SP9: variants seen among roughly 807,000 people sequenced by gnomAD.
SP9 encodes the protein Sp9 transcription factor.
A neutral mutation model predicts 23.0 loss-of-function variants in SP9; 5 were observed. That is an observed-to-expected ratio of 0.22 (90% CI 0.11 to 0.46). The LOEUF (loss-of-function observed/expected upper bound fraction) is 0.46. Ranked by LOEUF, SP9 falls within the 20% of genes least tolerant of loss-of-function variation. The pLI is 0.99. For missense variants in SP9, 542 were observed against 724.0 expected (o/e 0.75, Z 2.88); for synonymous variants, 360 against 356.5 (o/e 1.01, Z -0.11).
Position 174,337,614 on chromosome 2 carries a change from G to A in SP9, c.*74G>A. The A allele has an allele frequency of 9.3e-7, 1 of 1,075,298 alleles. No individual in the cohort carries two copies. The highest frequency in any genetic ancestry group is 1.1e-6 in the Non-Finnish European group (1 of 887,394). The allele number at this position is 1,075,298 out of a possible 1,614,324, so 66.6% of individuals were successfully genotyped here. A position where few individuals can be genotyped will look rare whatever the true frequency, so the allele number is the denominator to read the frequency against. On this transcript the variant is annotated 3_prime_UTR_variant, in exon 2 of 2. Transcript: ENST00000394967. The stretch of plus-strand genomic sequence containing the variant: ...CGAACGAGAGGTTCGGAGGGCGAGC[G>A]AGCGGGAGGCGGGAGGGCAGGGGCT...
In SP9 at chr2:174,337,045, C is replaced by T. The variant is rs753706122; in HGVS notation, c.960C>T (p.Gly320=). The change falls in exon 2 of 2, where the codon GGC becomes GGT. Residue 320 remains glycine (G), a synonymous_variant. Transcript: ENST00000394967. ...CPNCQEAERL[G]PAGASLRRKG... is the part of the protein sequence containing the mutation. The stretch of plus-strand genomic sequence containing the variant: ...ACTGCCAGGAGGCGGAGCGGCTGGG[C>T]CCGGCCGGGGCGAGCCTGCGGCGCA... 1 of 1,535,594 alleles carries T rather than the reference C, an allele frequency of 6.5e-7. No individual in the cohort carries two copies. The highest frequency in any genetic ancestry group is 2.0e-5 in the Admixed American group (1 of 50,080).
rs912159267 is a variant in SP9 at position 174,336,959 on chromosome 2, G to C, written c.874G>C (p.Gly292Arg). The C allele has an allele frequency of 1.4e-6, 2 of 1,437,398 alleles. No homozygotes were observed. The highest frequency in any genetic ancestry group is 5.9e-5 in the East Asian group (2 of 33,712). The allele number at this position is 1,437,398 out of a possible 1,614,324, so 89.0% of individuals were successfully genotyped here. A position where few individuals can be genotyped will look rare whatever the true frequency, so the allele number is the denominator to read the frequency against. ...ATCGGGCGCCGCGGCTGCCGCCGCC[G>C]GGGGGAGCTCGGCACGCTCTGCCCG... ...MISGAAAAAA[G>R]GSSARSARRY... Residue 292 changes from glycine (G) to arginine (R), a missense_variant, in exon 2 of 2, where the codon GGG (glycine) becomes CGG (arginine). Coordinates refer to ENST00000394967, the MANE Select transcript of SP9 (RefSeq NM_001145250.2).
rs1377676691 is a variant in SP9, at chr2:174,337,277, A to G, written c.1192A>G (p.Asn398Asp). The G allele has an allele frequency of 3.8e-6, 6 of 1,560,848 alleles. No homozygotes were observed. The highest frequency in any genetic ancestry group is 2.4e-5 in the East Asian group (1 of 41,484). ...GAAGCGCTTCGCCTGTCCGGTGTGC[A>G]ACAAGCGCTTCATGCGCAGCGACCA... ...GEKRFACPVC[N>D]KRFMRSDHLS... The change falls in exon 2 of 2, where the codon AAC (asparagine) becomes GAC (aspartate). Residue 398 changes from asparagine to aspartate, a missense_variant. By Grantham distance (23) the Asn-to-Asp change is conservative. Transcript: ENST00000394967.
Position 174,336,114 on chromosome 2 carries a change from C to G in SP9, c.29C>G (p.Pro10Arg). The change falls in exon 2 of 2, where the codon CCG (proline) becomes CGG (arginine). Residue 10 changes from proline to arginine, a missense_variant. Transcript: ENST00000394967. Reference sequence around the variant, plus strand: ...CCATCCCACCCACTCTAGGAAGAGCCGCGCTTCGGAACGACCCCGTTGGCC... The same window carrying G: ...CCATCCCACCCACTCTAGGAAGAGCGGCGCTTCGGAACGACCCCGTTGGCC... Reference protein sequence around the residue: MATSILGEEPRFGTTPLAML... With the variant: MATSILGEERRFGTTPLAML... The G allele has an allele frequency of 6.5e-7, 1 of 1,550,276 alleles. No homozygotes were observed. Among genetic ancestry groups the G allele is most frequent in the Non-Finnish European group, 8.7e-7 (1 of 1,146,246 alleles).
At position 174,338,049 on chromosome 2, in the gene SP9, A is replaced by T. The variant is rs1345162699; in HGVS notation, c.*509A>T. 6.6e-6 allele frequency: 1 copy of T among 152,162 alleles called. No homozygotes were observed. Among genetic ancestry groups the T allele is most frequent in the Non-Finnish European group, 1.5e-5 (1 of 68,040 alleles). The allele number at this position is 152,162 out of a possible 1,614,324, so 9.4% of individuals were successfully genotyped here. A position where few individuals can be genotyped will look rare whatever the true frequency, so the allele number is the denominator to read the frequency against. Reference sequence around the variant, plus strand: ...ATTTGAAAACAAACGGGACCGATAAAAACACCCTTTGTTTGGATTATATTA... The same window carrying T: ...ATTTGAAAACAAACGGGACCGATAATAACACCCTTTGTTTGGATTATATTA... On this transcript the variant is annotated 3_prime_UTR_variant, in exon 2 of 2. Transcript: ENST00000394967.
Position 174,337,054 on chromosome 2 carries a change from G to A in SP9, c.969G>A (p.Gly323=), listed in dbSNP as rs1453775498. Reference sequence around the variant, plus strand: ...AGGCGGAGCGGCTGGGCCCGGCCGGGGCGAGCCTGCGGCGCAAGGGCCTGC... The same window carrying A: ...AGGCGGAGCGGCTGGGCCCGGCCGGAGCGAGCCTGCGGCGCAAGGGCCTGC... ...CQEAERLGPA[G]ASLRRKGLHS... is the part of the protein sequence containing the mutation. The change falls in exon 2 of 2, where the codon GGG becomes GGA. Residue 323 remains glycine, a synonymous_variant. Coordinates refer to ENST00000394967, the MANE Select transcript of SP9 (RefSeq NM_001145250.2). 10 of 1,541,826 alleles carry A rather than the reference G, an allele frequency of 6.5e-6. No homozygotes were observed. Among genetic ancestry groups the A allele is most frequent in the Non-Finnish European group, 5.2e-6 (6 of 1,150,182 alleles).
rs1684438931 is a variant in SP9, at chr2:174,337,492, G to C, written c.1407G>C (p.Ala469=). Residue 469 remains alanine (A), a synonymous_variant, in exon 2 of 2, where the codon GCG becomes GCC. Transcript: ENST00000394967. ...AAAAAAAAAA[A]ASAGGKEAAS... is the part of the protein sequence containing the mutation. ...CGGCAGCGGCGGCGGCGGCGGCGGC[G>C]GCCTCCGCGGGAGGCAAGGAAGCAG... The C allele has an allele frequency of 8.4e-7, 1 of 1,192,922 alleles. No homozygotes were observed. Among genetic ancestry groups the C allele is most frequent in the Non-Finnish European group, 1.0e-6 (1 of 959,004 alleles). The allele number at this position is 1,192,922 out of a possible 1,614,324, so 73.9% of individuals were successfully genotyped here.
Position 174,337,270 on chromosome 2 carries a change from G to C in SP9, c.1185G>C (p.Pro395=), listed in dbSNP as rs753741766. ...THTGEKRFAC[P]VCNKRFMRSD... is the part of the protein sequence containing the mutation. ...CGGGCGAGAAGCGCTTCGCCTGTCC[G>C]GTGTGCAACAAGCGCTTCATGCGCA... is the stretch of plus-strand genomic sequence containing the variant. The change falls in exon 2 of 2, where the codon CCG becomes CCC. Residue 395 remains proline, a synonymous_variant. Coordinates refer to ENST00000394967, the MANE Select transcript of SP9 (RefSeq NM_001145250.2). 1.0e-4 allele frequency: 158 copies of C among 1,563,046 alleles called. No homozygotes were observed. Among genetic ancestry groups the C allele is most frequent in the Non-Finnish European group, 1.3e-4 (150 of 1,153,974 alleles).
In SP9 at chr2:174,337,694, C is replaced by A. The variant is rs1345197508; in HGVS notation, c.*154C>A. On this transcript the variant is annotated 3_prime_UTR_variant, in exon 2 of 2. Transcript: ENST00000394967. The stretch of plus-strand genomic sequence containing the variant: ...CGCGAGGTGGAGCCGCTCAGGGCTC[C>A]CGGGCTGCGGTTCGCCCGCTGTGCG... The A allele has an allele frequency of 4.1e-6, 4 of 968,304 alleles. No homozygotes were observed. In the African/African-American group the frequency reaches 7.1e-5, roughly 17 times the overall value. 60.0% of individuals were successfully genotyped at this position (968,304 alleles called of 1,614,324 possible).
In SP9 at chr2:174,337,446, GGGCGGCGGCAGCGGCGGCGGCGGCAGC is replaced by G. The variant is rs1269584019; in HGVS notation, c.1371_1397del (p.Ala462_Ala470del). On this transcript the variant is annotated inframe_deletion, in exon 2 of 2. Transcript: ENST00000394967. ...CATGACTCCGGCGTCAGTGCCGCCC[GGGCGGCGGCAGCGGCGGCGGCGGCAGC>G]GGCGGCGGCGGCGGCGGCGGCCTCC... 5.6e-5 allele frequency: 74 copies of G among 1,314,346 alleles called. 14 individuals carry two copies. The highest frequency in any genetic ancestry group is 4.2e-4 in the Middle Eastern group (2 of 4,762). 81.4% of individuals were successfully genotyped at this position (1,314,346 alleles called of 1,614,324 possible). A position where few individuals can be genotyped will look rare whatever the true frequency, so the allele number is the denominator to read the frequency against.
rs1305733429 is a variant in SP9 at position 174,336,946 on chromosome 2, G to A, written c.861G>A (p.Ala287=). ...CCAGCGCCATGATATCGGGCGCCGCGGCTGCCGCCGCCGGGGGGAGCTCGG... is the reference window on the plus strand; with the variant it reads ...CCAGCGCCATGATATCGGGCGCCGCAGCTGCCGCCGCCGGGGGGAGCTCGG... ...AAASAMISGA[A]AAAAGGSSAR... The change falls in exon 2 of 2, where the codon GCG becomes GCA. Residue 287 remains alanine (A), a synonymous_variant. Transcript: ENST00000394967. 11 of 1,447,650 alleles carry A rather than the reference G, an allele frequency of 7.6e-6. No individual in the cohort carries two copies. The highest frequency in any genetic ancestry group is 9.9e-6 in the Non-Finnish European group (11 of 1,111,728). The allele number at this position is 1,447,650 out of a possible 1,614,324, so 89.7% of individuals were successfully genotyped here.
rs1483898595 is a variant in SP9, at chr2:174,336,852, C to T, written c.767C>T (p.Ala256Val). 1 of 1,523,384 alleles carries T rather than the reference C, an allele frequency of 6.6e-7. No homozygotes were observed. Among genetic ancestry groups the T allele is most frequent in the African/African-American group, 1.4e-5 (1 of 70,808 alleles). 94.4% of individuals were successfully genotyped at this position (1,523,384 alleles called of 1,614,324 possible). A position where few individuals can be genotyped will look rare whatever the true frequency, so the allele number is the denominator to read the frequency against. The part of the protein sequence containing the change: ...HLLSTSQHLL[A>V]QDGFKPVLPS... Reference sequence around the variant, plus strand: ...CTCTCCACCAGCCAGCACCTGCTGGCCCAGGACGGCTTCAAGCCGGTGTTG... The same window carrying T: ...CTCTCCACCAGCCAGCACCTGCTGGTCCAGGACGGCTTCAAGCCGGTGTTG... Residue 256 changes from alanine (A) to valine (V), a missense_variant, in exon 2 of 2, where the codon GCC becomes GTC. Physicochemically the swap from Ala to Val is moderately conservative, Grantham distance 64. Coordinates refer to ENST00000394967, the MANE Select transcript of SP9 (RefSeq NM_001145250.2).
Position 174,337,483 on chromosome 2 carries a change from G to GGCT in SP9, c.1400_1401insTGC (p.Ala470dup). ...CGGCGGCGGCGGCAGCGGCGGCGGC[G>GGCT]GCGGCGGCGGCCTCCGCGGGAGGCA... On this transcript the variant is annotated inframe_insertion, in exon 2 of 2. Transcript: ENST00000394967. 8.4e-7 allele frequency: 1 copy of GGCT among 1,195,770 alleles called. No homozygotes were observed. Among genetic ancestry groups the GGCT allele is most frequent in the Non-Finnish European group, 1.0e-6 (1 of 957,860 alleles). 74.1% of individuals were successfully genotyped at this position (1,195,770 alleles called of 1,614,324 possible). A position where few individuals can be genotyped will look rare whatever the true frequency, so the allele number is the denominator to read the frequency against.
rs1351408998 is a variant in SP9, at chr2:174,337,288, C to T, written c.1203C>T (p.Phe401=). ...RFACPVCNKR[F]MRSDHLSKHI... ...CCTGTCCGGTGTGCAACAAGCGCTT[C>T]ATGCGCAGCGACCACCTGAGCAAAC... is the stretch of plus-strand genomic sequence containing the variant. Residue 401 remains phenylalanine, a synonymous_variant, in exon 2 of 2, where the codon TTC becomes TTT. Coordinates refer to ENST00000394967, the MANE Select transcript of SP9 (RefSeq NM_001145250.2). 1 of 1,557,084 alleles carries T rather than the reference C, an allele frequency of 6.4e-7. No individual in the cohort carries two copies. The highest frequency in any genetic ancestry group is 8.7e-7 in the Non-Finnish European group (1 of 1,150,410).
In SP9 at chr2:174,336,793, C is replaced by T. The variant is rs748731686; in HGVS notation, c.708C>T (p.Gly236=). ...CGCACTCCGCCTTCAGCTCCACGGG[C>T]CTCGGCTCCTCCGCCGCCGCCGCCT... ...SLTHSAFSST[G]LGSSAAAASH... is the part of the protein sequence containing the mutation. Residue 236 remains glycine, a synonymous_variant, in exon 2 of 2, where the codon GGC becomes GGT. Transcript: ENST00000394967. The T allele has an allele frequency of 7.2e-6, 11 of 1,530,388 alleles. No homozygotes were observed. Among genetic ancestry groups the T allele is most frequent in the Middle Eastern group, 1.7e-4 (1 of 5,970 alleles). The allele number at this position is 1,530,388 out of a possible 1,614,324, so 94.8% of individuals were successfully genotyped here. A position where few individuals can be genotyped will look rare whatever the true frequency, so the allele number is the denominator to read the frequency against.
chr2:174,335,843 G>C (rs1370273477), intron 1 of SP9: 2 of 484,934 alleles, frequency 4.1e-6, no homozygotes, highest in Non-Finnish European at 7.3e-6. Flanking sequence ...GTTGCAGCGG[G>C]GAACACGGAG....
chr2:174,335,198 A>G (rs1417190411), intron 1 of SP9, 85 bp downstream of exon 1: 2 of 1,429,132 alleles, frequency 1.4e-6, no homozygotes, highest in African/African-American at 2.8e-5. Context: ...GGCTCCGGAG[A>G]AACTGTTGCT....
chr2:174,336,202 G>C lies in SP9; in HGVS notation c.117G>C (p.Ser39=). 3 of 1,550,388 alleles carry C rather than the reference G, an allele frequency of 1.9e-6. No individual in the cohort carries two copies. The highest frequency in any genetic ancestry group is 2.5e-5 in the East Asian group (1 of 40,788). ...GCCCGCTGACGACGCTGCCAGAGTC[G>C]AGCGCCTTCGCCAAAGGCGGCTTTC... The part of the protein sequence containing the change: ...NTSPLTTLPE[S]SAFAKGGFHP... Residue 39 remains serine, a synonymous_variant, in exon 2 of 2, where the codon TCG becomes TCC. Transcript: ENST00000394967.
rs1183941868 is a variant in SP9 at position 174,336,859 on chromosome 2, C to A, written c.774C>A (p.Asp258Glu). The change falls in exon 2 of 2, where the codon GAC becomes GAA. Residue 258 changes from aspartate to glutamate, a missense_variant. Around this residue, in one of 8 missense-constraint regions of SP9, gnomAD observed 144 missense variants for 158.7 expected, o/e 0.91. Transcript: ENST00000394967. ...CCAGCCAGCACCTGCTGGCCCAGGA[C>A]GGCTTCAAGCCGGTGTTGCCCTCCT... is the stretch of plus-strand genomic sequence containing the variant. ...LSTSQHLLAQ[D>E]GFKPVLPSYS... 3 of 1,521,838 alleles carry A rather than the reference C, an allele frequency of 2.0e-6. No homozygotes were observed. Among genetic ancestry groups the A allele is most frequent in the Middle Eastern group, 3.4e-4 (2 of 5,930 alleles). The allele number at this position is 1,521,838 out of a possible 1,614,324, so 94.3% of individuals were successfully genotyped here.
Sources: gnomAD v4.1 joint callset for allele counts on GRCh38, gnomAD v4.1.1 for gene constraint, gnomAD v4.1.1 regional missense constraint, MANE v1.5 for transcripts, NCBI Gene and HGNC (gene_info 2026-07-23, HGNC 2026-07-21) for gene names.